Variants in COL19A1 observed in about 807,000 individuals in gnomAD.
COL19A1 encodes collagen type XIX alpha 1 chain, also known as collagen alpha-1(XIX) chain.
A neutral mutation model predicts 190.2 loss-of-function variants in COL19A1; 159 were observed. The observed-to-expected ratio is 0.84, with a 90% CI of 0.73 to 0.95. COL19A1 has a LOEUF of 0.95. Among genes scored for constraint, COL19A1 ranks in the 40% least tolerant of loss-of-function variants. The probability of loss-of-function intolerance (pLI) is 0.00; values close to 1 mark genes in which losing one functional copy is unlikely to be tolerated. For missense variants in COL19A1, 1,418 were observed against 1,431.9 expected, an observed-to-expected ratio of 0.99 and a Z score of 0.16; for synonymous variants, 509 against 458.9, an observed-to-expected ratio of 1.11 and a Z score of -1.39.
intron 10 of COL19A1, among the ~76,000 whole-genome samples, chr6:69,962,194 G>A (rs1188355583): frequency 6.6e-6 from 1 of 152,302 alleles, no homozygotes; most frequent in Middle Eastern, 3.4e-3. Context: ...AGATCAGAGA[G>A]GGTGTAGATG....
intron 11 of COL19A1, among the ~76,000 whole-genome samples, chr6:70,004,872 G>A (rs1036990331): frequency 1.3e-5 from 2 of 148,372 alleles, no homozygotes; most frequent in East Asian, 2.0e-4. Flanking sequence ...CTCTGTTGCC[G>A]CCCAAGCTGG....
Position 70,002,605 on chromosome 6 carries a change from TTA to T in COL19A1, c.1027-21008_1027-21007del, listed in dbSNP as rs796446376. 5.2e-3 allele frequency among the ~76,000 whole-genome samples: 773 copies of T among 149,180 alleles called. 11 individuals carry two copies. The highest frequency in any genetic ancestry group is 0.026 in the South Asian group (125 of 4,764). On this transcript the variant is annotated intron_variant, in intron 11 of 50. Coordinates refer to ENST00000620364, the MANE Select transcript of COL19A1 (RefSeq NM_001858.6). ...TGAAAGGGTGTTTTTTAAAATATAT[TTA>T]TATATATATATATCTATTTCTTCTA...
chr6:70,168,157 A>T lies in COL19A1; in HGVS notation c.2497-14A>T. ...ATCTTTCTCTTTTTCTTTTCTTTTC[A>T]TTTTCTTTTGAAGGGAGGTGTGAAT... is the stretch of plus-strand genomic sequence containing the variant. On this transcript the variant is annotated splice_polypyrimidine_tract_variant and intron_variant, in intron 38 of 50. Transcript: ENST00000620364. The T allele has an allele frequency of 3.1e-6, 5 of 1,612,046 alleles. No homozygotes were observed. The highest frequency in any genetic ancestry group is 4.2e-6 in the Non-Finnish European group (5 of 1,179,100).
At chr6:69,954,347 T>C (rs994997831) in intron 9 of COL19A1, among the ~76,000 whole-genome samples, 2 of 151,956 alleles carry the variant, frequency 1.3e-5, no homozygotes, top group African/African-American at 4.8e-5. Flanking sequence ...TGACCCAGCG[T>C]ATGGTACCTG....
intron 1 of COL19A1, among the ~76,000 whole-genome samples, chr6:69,874,426 A>G (rs1768011278): frequency 6.6e-6 from 1 of 152,236 alleles, no homozygotes; most frequent in African/African-American, 2.4e-5. Context: ...GATCTGAATA[A>G]TAGAACCCTC....
At chr6:70,006,021 CT>C (rs1777597538) in intron 11 of COL19A1, among the ~76,000 whole-genome samples, 1 of 152,244 alleles carries the variant, frequency 6.6e-6, no homozygotes, top group Admixed American at 6.5e-5. Context: ...AAAGCACAGA[CT>C]GAAAAGCCCT....
At chr6:69,961,516 C>T (rs73482146) in intron 10 of COL19A1, among the ~76,000 whole-genome samples, 2,533 of 152,110 alleles carry the variant, frequency 0.017, 73 homozygotes, top group African/African-American at 0.055. Context: ...GTACTGGAGG[C>T]GTTTAGCAGC....
chr6:69,934,234 A>T (rs1772960424), intron 7 of COL19A1, among the ~76,000 whole-genome samples: 1 of 151,994 alleles, frequency 6.6e-6, no homozygotes, highest in Non-Finnish European at 1.5e-5. Context: ...TTCCAAGTAA[A>T]ATGCCAGCCA....
At chr6:70,070,586 A>G (rs1417990011) in intron 15 of COL19A1, among the ~76,000 whole-genome samples, 1 of 152,134 alleles carries the variant, frequency 6.6e-6, no homozygotes, top group East Asian at 1.9e-4. Context: ...GATTATATCC[A>G]TATATGCTCA....
intron 31 of COL19A1, among the ~76,000 whole-genome samples, chr6:70,155,076 A>C (rs1787353158): frequency 6.6e-6 from 1 of 152,116 alleles, no homozygotes; most frequent in African/African-American, 2.4e-5. Context: ...TAACCATCAC[A>C]CCTTGTAAGC....
chr6:70,106,275 C>T (rs1783953074), intron 16 of COL19A1, among the ~76,000 whole-genome samples: 1 of 151,488 alleles, frequency 6.6e-6, no homozygotes, highest in African/African-American at 2.4e-5. Context: ...AATGTTTGTA[C>T]CAAAAGGACA....
At chr6:70,194,108 G>A (rs192940244) in intron 48 of COL19A1, among the ~76,000 whole-genome samples, 10 of 152,296 alleles carry the variant, frequency 6.6e-5, no homozygotes, top group Admixed American at 5.9e-4. Context: ...TCTGCTGCAC[G>A]CATCCCTGCA....
Position 70,190,386 on chromosome 6 carries a change from G to T in COL19A1, c.3094+5G>T, listed in dbSNP as rs113785424. 21 of 1,581,062 alleles carry T rather than the reference G, an allele frequency of 1.3e-5. 1 individual carries two copies. In the African/African-American group the frequency reaches 1.5e-4, roughly 11 times the overall value. The stretch of plus-strand genomic sequence containing the variant: ...AGGTCCTAAGGATTTTTGAAGGTTA[G>T]ATTTTCTTAATAACATTTTCGAATT... On this transcript the variant is annotated splice_donor_5th_base_variant and intron_variant, in intron 48 of 50. Transcript: ENST00000620364.
chr6:70,003,220 G>A (rs1186973628), intron 11 of COL19A1, among the ~76,000 whole-genome samples: 1 of 151,518 alleles, frequency 6.6e-6, no homozygotes, highest in Non-Finnish European at 1.5e-5. Flanking sequence ...GTTCAAACTT[G>A]CTTGCACTGA....
intron 15 of COL19A1, among the ~76,000 whole-genome samples, chr6:70,070,086 A>G (rs1180369594): frequency 1.3e-5 from 2 of 152,118 alleles, no homozygotes; most frequent in Non-Finnish European, 2.9e-5. Flanking sequence ...ATGTATTTGA[A>G]CCCTACCACC....
chr6:69,989,578 G>T, intron 11 of COL19A1, among the ~76,000 whole-genome samples: 3 of 119,754 alleles, frequency 2.5e-5, no homozygotes, highest in Non-Finnish European at 1.6e-5. Context: ...TTGCTCATCA[G>T]CTATTGTTAG....
chr6:70,090,355 A>G (rs1210459601), intron 15 of COL19A1, among the ~76,000 whole-genome samples: 1 of 152,184 alleles, frequency 6.6e-6, no homozygotes, highest in Non-Finnish European at 1.5e-5. Context: ...ATTATTCCCC[A>G]AACATTACAA....
At chr6:70,206,442 A>T (rs138166517) in intron 49 of COL19A1, among the ~76,000 whole-genome samples, 95 of 152,290 alleles carry the variant, frequency 6.2e-4, no homozygotes, top group African/African-American at 2.1e-3. Flanking sequence ...TAGCCTGGCC[A>T]ACATGGCAAA....
Position 70,149,856 on chromosome 6 carries a change from T to C in COL19A1, c.1935T>C (p.Pro645=). The C allele has an allele frequency of 6.2e-7, 1 of 1,613,718 alleles. No individual in the cohort carries two copies. Among genetic ancestry groups the C allele is most frequent in the Non-Finnish European group, 8.5e-7 (1 of 1,179,796 alleles). Residue 645 remains proline (P), a synonymous_variant, in exon 29 of 51, where the codon CCT becomes CCC. Coordinates refer to ENST00000620364, the MANE Select transcript of COL19A1 (RefSeq NM_001858.6). ...TTATTTCCCTCCTTTTCCAGGGTCC[T>C]CGAGGTCTCCCTGGGTTGCCAGGAA... is the stretch of plus-strand genomic sequence containing the variant. ...GPAGEPGIQG[P]RGLPGLPGTP... is the part of the protein sequence containing the mutation.
Sources: gnomAD v4.1 joint callset for allele counts (sites outside exome capture counted in the v4.1 genomes callset) on GRCh38, gnomAD v4.1.1 for gene constraint, MANE v1.5 for transcripts, NCBI Gene and HGNC (gene_info 2026-07-23, HGNC 2026-07-21) for gene names.